The following ELMO1 variants were observed in gnomAD, a reference collection of about 807,000 sequenced individuals.
The protein encoded by ELMO1 is engulfment and cell motility 1, also known as engulfment and cell motility protein 1.
In ELMO1, 26 loss-of-function variants were observed where a neutral mutation model predicts 98.9. That is an observed-to-expected ratio of 0.26 (90% CI 0.19 to 0.36). The LOEUF (loss-of-function observed/expected upper bound fraction) is 0.36, where lower values mean the gene tolerates loss of function less well. Ranked by LOEUF, ELMO1 falls within the 10% of genes least tolerant of loss-of-function variation. The pLI is 1.00. For synonymous variants in ELMO1, 346 were observed against 346.0 expected, an observed-to-expected ratio of 1.00 and a Z score of 0.00; for missense variants, 627 against 935.2, an observed-to-expected ratio of 0.67 and a Z score of 4.30.
At chr7:37,355,497 A>C (rs1801461373) in intron 1 of ELMO1, among the ~76,000 whole-genome samples, 1 of 152,256 alleles carries the variant, frequency 6.6e-6, no homozygotes, top group African/African-American at 2.4e-5. Flanking sequence ...TAGAAAGGAA[A>C]TAATAACTTT....
Position 37,026,208 on chromosome 7 carries a change from A to G in ELMO1, c.1301-12773T>C, listed in dbSNP as rs112007892. Among the ~76,000 whole-genome samples, 328 of 152,264 alleles carry G rather than the reference A, an allele frequency of 2.2e-3. 2 individuals carry two copies. The highest frequency in any genetic ancestry group is 6.3e-3 in the African/African-American group (261 of 41,554). On this transcript the variant is annotated intron_variant, in intron 15 of 21. Coordinates refer to ENST00000310758, the MANE Select transcript of ELMO1 (RefSeq NM_014800.11). ...CATGTGAGATGGGCACCCAAGGATT[A>G]TGTTGGGATACAGGCAGATTAATGA...
chr7:37,108,825 C>T (rs1785079583), intron 14 of ELMO1, among the ~76,000 whole-genome samples: 2 of 152,182 alleles, frequency 1.3e-5, no homozygotes, highest in African/African-American at 4.8e-5. Flanking sequence ...TCTGGTGAGG[C>T]TGGCAGTGCC....
chr7:37,071,455 A>C (rs1019175837), intron 15 of ELMO1, among the ~76,000 whole-genome samples: 1 of 152,226 alleles, frequency 6.6e-6, no homozygotes, highest in Non-Finnish European at 1.5e-5. Flanking sequence ...AAGAGATTTC[A>C]TAACTGTGTT....
At chr7:37,241,301 T>C (rs1794755836) in intron 7 of ELMO1, among the ~76,000 whole-genome samples, 1 of 152,138 alleles carries the variant, frequency 6.6e-6, no homozygotes, top group Non-Finnish European at 1.5e-5. Context: ...AGTCTTATCT[T>C]TCCTGATAAT....
chr7:37,293,124 A>G (rs200388080), intron 4 of ELMO1, among the ~76,000 whole-genome samples: 24,496 of 24,652 alleles, frequency 0.99, 12,171 homozygotes, highest in Middle Eastern at 1. Context: ...CCGGCCAGCC[A>G]CCCCGTCTGG....
intron 4 of ELMO1, among the ~76,000 whole-genome samples, chr7:37,309,285 A>T (rs2131067732): frequency 6.6e-6 from 1 of 152,270 alleles, no homozygotes; most frequent in Non-Finnish European, 1.5e-5. Context: ...CTCTCAAGAG[A>T]CTTATTCACT....
At chr7:37,374,069 T>C (rs144514960) in intron 1 of ELMO1, among the ~76,000 whole-genome samples, 30 of 152,372 alleles carry the variant, frequency 2.0e-4, no homozygotes, top group Non-Finnish European at 2.2e-4. Flanking sequence ...AGAGCTAACG[T>C]GGCTGTGGCC....
intron 13 of ELMO1, among the ~76,000 whole-genome samples, chr7:37,205,876 T>C (rs1462538611): frequency 6.6e-6 from 1 of 152,228 alleles, no homozygotes; most frequent in African/African-American, 2.4e-5. Context: ...ACTGACTGTA[T>C]ATTGCAAAGC....
intron 4 of ELMO1, among the ~76,000 whole-genome samples, chr7:37,283,260 G>A (rs916891514): frequency 3.3e-5 from 5 of 152,082 alleles, no homozygotes; most frequent in African/African-American, 4.8e-5. Context: ...CGACAAACTC[G>A]CCTTAAAGGG....
chr7:37,299,387 G>T (rs1798236923), intron 4 of ELMO1, among the ~76,000 whole-genome samples: 1 of 145,202 alleles, frequency 6.9e-6, no homozygotes, highest in Non-Finnish European at 1.5e-5. Context: ...TTTCTTCTAG[G>T]GTTTTTATGG....
intron 20 of ELMO1, among the ~76,000 whole-genome samples, chr7:36,868,235 A>G (rs1171295927): frequency 2.0e-5 from 3 of 152,230 alleles, no homozygotes; most frequent in Non-Finnish European, 4.4e-5. Flanking sequence ...CTTCTTGGAC[A>G]TCTGACTTTC....
At chr7:37,188,499 A>AT (rs1408199383) in intron 13 of ELMO1, among the ~76,000 whole-genome samples, 7,596 of 55,214 alleles carry the variant, frequency 0.14, 492 homozygotes, top group East Asian at 0.28. Context: ...AAAAAAAAAA[A>AT]AAAATAATAA....
At chr7:36,898,298 G>A (rs1421884367) in intron 16 of ELMO1, among the ~76,000 whole-genome samples, 1 of 152,148 alleles carries the variant, frequency 6.6e-6, no homozygotes, top group Non-Finnish European at 1.5e-5. Flanking sequence ...CCCACAGACG[G>A]TGTTGCGGAG....
chr7:37,174,249 A>C (rs746709210), intron 13 of ELMO1, among the ~76,000 whole-genome samples: 67 of 152,262 alleles, frequency 4.4e-4, no homozygotes, highest in Non-Finnish European at 8.4e-4. Context: ...CGTTTTTGTT[A>C]ATCACTACAC....
chr7:36,988,349 C>G lies in ELMO1; in HGVS notation c.1437+24950G>C, dbSNP rs182427277. Among the ~76,000 whole-genome samples, 33 of 152,298 alleles carry G rather than the reference C, an allele frequency of 2.2e-4. No homozygotes were observed. In the East Asian group the frequency reaches 5.2e-3, roughly 24 times the overall value. ...CCTTCCCATCCTCTTGAAGGCTGTC[C>G]AAATCCTCAGTTTATGCCAAAACCA... On this transcript the variant is annotated intron_variant, in intron 16 of 21. Transcript: ENST00000310758.
chr7:37,358,345 C>G (rs1453740549), intron 1 of ELMO1, among the ~76,000 whole-genome samples: 1 of 152,154 alleles, frequency 6.6e-6, no homozygotes, highest in Admixed American at 6.5e-5. Context: ...TCCACTTTGA[C>G]AAGGACTCTA....
chr7:37,064,835 T>C (rs929246176), intron 15 of ELMO1, among the ~76,000 whole-genome samples: 13 of 152,148 alleles, frequency 8.5e-5, no homozygotes, highest in African/African-American at 3.1e-4. Context: ...TCTATCTGTA[T>C]TCAGATATGC....
At chr7:37,076,115 T>C (rs1797564649) in intron 15 of ELMO1, among the ~76,000 whole-genome samples, 1 of 152,212 alleles carries the variant, frequency 6.6e-6, no homozygotes, top group Admixed American at 6.5e-5. Context: ...ACTCTAAAAA[T>C]TATTTTATTC....
rs138363073 is a variant in ELMO1, at chr7:37,136,231, C to T, written c.1087-2997G>A. Among the ~76,000 whole-genome samples, 926 of 152,190 alleles carry T rather than the reference C, an allele frequency of 6.1e-3. 4 individuals are homozygous for T. Among genetic ancestry groups the T allele is most frequent in the African/African-American group, 8.7e-3 (360 of 41,530 alleles). ...CCAAGAAGTATGGGACTATGTTAAA[C>T]GTCCAAACCTAAGAATAATTGGTGT... On this transcript the variant is annotated intron_variant, in intron 13 of 21. Transcript: ENST00000310758.
Sources: gnomAD v4.1 joint callset for allele counts (sites outside exome capture counted in the v4.1 genomes callset) on GRCh38, gnomAD v4.1.1 for gene constraint, MANE v1.5 for transcripts, NCBI Gene and HGNC (gene_info 2026-07-23, HGNC 2026-07-21) for gene names.